The following TP63 variants were observed in gnomAD, a reference collection of about 807,000 sequenced individuals.
TP63 encodes the protein tumor protein p63.
A neutral mutation model predicts 82.8 loss-of-function variants in TP63; 17 were observed. The observed-to-expected ratio is 0.21, with a 90% CI of 0.14 to 0.31. The LOEUF (loss-of-function observed/expected upper bound fraction) is 0.31, where lower values mean the gene tolerates loss of function less well. Ranked by LOEUF, TP63 falls within the 10% of genes least tolerant of loss-of-function variation. The probability of loss-of-function intolerance (pLI) is 1.00; values close to 1 mark genes in which losing one functional copy is unlikely to be tolerated. For missense variants in TP63, 648 were observed against 895.3 expected (o/e 0.72, Z 3.52); for synonymous variants, 330 against 321.7 (o/e 1.03, Z -0.28).
chr3:189,859,402 TAA>T (rs1037759867), intron 4 of TP63, among the ~76,000 whole-genome samples: 29 of 152,274 alleles, frequency 1.9e-4, no homozygotes, highest in Middle Eastern at 3.4e-3. Flanking sequence ...TAGAATTACA[TAA>T]GTTTGTTTTT....
At chr3:189,676,554 G>A (rs913351735) in intron 1 of TP63, among the ~76,000 whole-genome samples, 10 of 151,908 alleles carry the variant, frequency 6.6e-5, no homozygotes, top group African/African-American at 2.4e-4. Context: ...GTGTGTGTGT[G>A]CATGTGTGTA....
At chr3:189,815,932 A>G (rs1389950607) in intron 4 of TP63, among the ~76,000 whole-genome samples, 1 of 152,110 alleles carries the variant, frequency 6.6e-6, no homozygotes, top group Non-Finnish European at 1.5e-5. Flanking sequence ...ACAGCAAATG[A>G]CCTTTCTGCT....
intron 10 of TP63, chr3:189,880,438 G>A: frequency 3.7e-6 from 4 of 1,075,702 alleles, no homozygotes; most frequent in Non-Finnish European, 4.5e-6. Flanking sequence ...GAACCACTGT[G>A]TTTGTCTGTG....
chr3:189,695,859 G>A lies in TP63; in HGVS notation c.63-41881G>A, dbSNP rs545494161. Among the ~76,000 whole-genome samples the A allele has an allele frequency of 1.3e-3, 197 of 152,254 alleles. 1 individual carries two copies. The highest frequency in any genetic ancestry group is 2.4e-3 in the Non-Finnish European group (162 of 68,024). On this transcript the variant is annotated intron_variant, in intron 1 of 13. Transcript: ENST00000264731. ...AAATAATTTTATCAAGTAAAGTACA[G>A]TGCTTATATATCGTTCATTCGGTTC...
At chr3:189,761,541 C>G (rs1273262179) in intron 3 of TP63, among the ~76,000 whole-genome samples, 1 of 144,336 alleles carries the variant, frequency 6.9e-6, no homozygotes, top group Non-Finnish European at 1.6e-5. Context: ...ATATCACTAT[C>G]AGCATTTTTG....
chr3:189,839,686 T>C (rs1411390952), intron 4 of TP63, among the ~76,000 whole-genome samples: 4 of 152,216 alleles, frequency 2.6e-5, no homozygotes, highest in Non-Finnish European at 4.4e-5. Context: ...CTCAGCTAAA[T>C]AGTGTGATGC....
intron 1 of TP63, among the ~76,000 whole-genome samples, chr3:189,687,479 A>T (rs1188106572): frequency 6.6e-6 from 1 of 152,212 alleles, no homozygotes; most frequent in Non-Finnish European, 1.5e-5. Flanking sequence ...GCCCTGCCTC[A>T]GTTGAAGTCT....
intron 4 of TP63, among the ~76,000 whole-genome samples, chr3:189,844,696 T>A (rs2108750565): frequency 6.6e-6 from 1 of 152,358 alleles, no homozygotes; most frequent in African/African-American, 2.4e-5. Flanking sequence ...TAGTATATAA[T>A]TAGCCCATAT....
At chr3:189,721,896 A>G (rs1719422814) in intron 1 of TP63, among the ~76,000 whole-genome samples, 3 of 152,346 alleles carry the variant, frequency 2.0e-5, no homozygotes, top group Admixed American at 1.3e-4. Context: ...GTGCCCAGGC[A>G]TCTGTATTTT....
chr3:189,619,186 G>C, the TP63 span, among the ~76,000 whole-genome samples: 54 of 152,244 alleles, frequency 3.5e-4, no homozygotes, highest in African/African-American at 1.3e-3. Context: ...GCTGAGCTCT[G>C]CTGGAAATTA....
At chr3:189,667,356 G>A (rs995310599) in intron 1 of TP63, among the ~76,000 whole-genome samples, 5 of 151,870 alleles carry the variant, frequency 3.3e-5, no homozygotes, top group Non-Finnish European at 7.4e-5. Flanking sequence ...TGTATTTTTA[G>A]TAGAGACAGG....
intron 10 of TP63, chr3:189,881,620 C>T: frequency 1.4e-6 from 1 of 737,466 alleles, no homozygotes; most frequent in Non-Finnish European, 1.7e-6. Flanking sequence ...AGAATCATCA[C>T]TTTGTTCCTA....
chr3:189,736,081 A>C (rs1418807577), intron 1 of TP63, among the ~76,000 whole-genome samples: 1 of 149,760 alleles, frequency 6.7e-6, no homozygotes. Flanking sequence ...ATTTTGAGAT[A>C]TATATTATTT....
At chr3:189,647,560 C>T (rs1712523714) in intron 1 of TP63, among the ~76,000 whole-genome samples, 1 of 146,458 alleles carries the variant, frequency 6.8e-6, no homozygotes, top group Non-Finnish European at 1.5e-5. Context: ...TCTGGAAAGC[C>T]ATTGCAAGCT....
At chr3:189,869,613 G>A (rs1352612618) in intron 9 of TP63, among the ~76,000 whole-genome samples, 1 of 152,058 alleles carries the variant, frequency 6.6e-6, no homozygotes, top group Non-Finnish European at 1.5e-5. Context: ...AGATCAAGGT[G>A]CCCCTATGGT....
At chr3:189,611,624 T>C in the TP63 span, among the ~76,000 whole-genome samples, 1 of 152,170 alleles carries the variant, frequency 6.6e-6, no homozygotes, top group Non-Finnish European at 1.5e-5. Flanking sequence ...ATTTGGGCTC[T>C]TGTTTGAATT....
rs144315591 is a variant in TP63 at position 189,737,744 on chromosome 3, G to A, written c.67G>A (p.Val23Ile). The change falls in exon 2 of 14, where the codon GTA (valine) becomes ATA (isoleucine). Residue 23 changes from valine to isoleucine, a missense_variant. By Grantham distance (29) the Val-to-Ile change is conservative (BLOSUM62 3). Transcript: ENST00000264731. ...TTTCATTTTTGTCCTTTTAAGTTTC[G>A]TAGAAACCCCAGCTCATTTCTCTTG... Reference protein sequence around the residue: ...YCPDPYIQRFVETPAHFSWKE... With the variant: ...YCPDPYIQRFIETPAHFSWKE... 51 of 1,613,588 alleles carry A rather than the reference G, an allele frequency of 3.2e-5. No individual in the cohort carries two copies. Among genetic ancestry groups the A allele is most frequent in the South Asian group, 5.5e-5 (5 of 91,068 alleles).
At position 189,667,747 on chromosome 3, in the gene TP63, C is replaced by T. The variant is rs540295097; in HGVS notation, c.62+36170C>T. ...TCTTATTAATATCCTGAGTATTCAA[C>T]TGAGACATCAAGAAGTTCATTCCTT... On this transcript the variant is annotated intron_variant, in intron 1 of 13. Transcript: ENST00000264731. Among the ~76,000 whole-genome samples the T allele has an allele frequency of 2.6e-5, 4 of 152,246 alleles. No individual in the cohort carries two copies. In the East Asian group the frequency reaches 7.7e-4, roughly 29 times the overall value.
intron 1 of TP63, among the ~76,000 whole-genome samples, chr3:189,687,640 C>T (rs980878949): frequency 6.6e-6 from 1 of 152,178 alleles, no homozygotes; most frequent in Non-Finnish European, 1.5e-5. Context: ...AAGACAACCA[C>T]GTAGTAGGGC....
Sources: allele counts gnomAD v4.1 joint callset (sites outside exome capture counted in the v4.1 genomes callset), GRCh38; gene constraint gnomAD v4.1.1; transcripts MANE v1.5; gene names NCBI Gene and HGNC (gene_info 2026-07-23, HGNC 2026-07-21).